The following CCDC7 variants were observed in gnomAD, a reference collection of about 807,000 sequenced individuals.
CCDC7 encodes coiled-coil domain-containing protein 7.
A neutral mutation model predicts 196.9 loss-of-function variants in CCDC7; 183 were observed. That is an observed-to-expected ratio of 0.93 (90% confidence interval 0.82 to 1.05). CCDC7 has a LOEUF of 1.05. CCDC7 is among the 50% of genes least tolerant of loss of function. CCDC7 has a pLI of 0.00. For synonymous variants in CCDC7, 525 were observed against 484.6 expected (o/e 1.08, Z -1.10); for missense variants, 1,540 against 1,482.2 (o/e 1.04, Z -0.64).
At chr10:32,706,435 C>G (rs1036782231) in intron 24 of CCDC7, among the ~76,000 whole-genome samples, 2 of 152,006 alleles carry the variant, frequency 1.3e-5, no homozygotes, top group Admixed American at 6.5e-5. Context: ...CAAACACATT[C>G]AAAAGCTAGC....
At chr10:32,668,581 G>A (rs2073346298) in intron 21 of CCDC7, among the ~76,000 whole-genome samples, 1 of 152,116 alleles carries the variant, frequency 6.6e-6, no homozygotes, top group Non-Finnish European at 1.5e-5. Flanking sequence ...TTAGCATGAA[G>A]GGCTGTTGAA....
intron 28 of CCDC7, among the ~76,000 whole-genome samples, chr10:32,749,392 C>A (rs1167820892): frequency 6.6e-6 from 1 of 152,076 alleles, no homozygotes; most frequent in African/African-American, 2.4e-5. Flanking sequence ...TTGTGTCAGT[C>A]ATTTATCTTA....
At chr10:32,521,167 A>G (rs973936407) in intron 11 of CCDC7, among the ~76,000 whole-genome samples, 26 of 151,798 alleles carry the variant, frequency 1.7e-4, no homozygotes, top group Admixed American at 9.2e-4. Flanking sequence ...CTTCAGTTTT[A>G]TTTCTTTTGC....
At chr10:32,493,743 G>A (rs575524124) in intron 9 of CCDC7, among the ~76,000 whole-genome samples, 2 of 152,082 alleles carry the variant, frequency 1.3e-5, no homozygotes, top group African/African-American at 4.8e-5. Flanking sequence ...TTTGATAACA[G>A]ATGTGAGGTA....
chr10:32,651,366 G>T (rs575420152), intron 20 of CCDC7, among the ~76,000 whole-genome samples: 2 of 152,210 alleles, frequency 1.3e-5, no homozygotes, highest in East Asian at 3.9e-4. Context: ...ATCCACATTT[G>T]GTGTTTTCTG....
chr10:32,849,618 G>A (rs2093458919), intron 39 of CCDC7, among the ~76,000 whole-genome samples: 1 of 149,218 alleles, frequency 6.7e-6, no homozygotes, highest in Non-Finnish European at 1.5e-5. Flanking sequence ...CAGGAGAATC[G>A]CTTGAATCCA....
intron 40 of CCDC7, among the ~76,000 whole-genome samples, chr10:32,852,777 A>AG (rs2093612200): frequency 6.6e-6 from 1 of 152,196 alleles, no homozygotes; most frequent in South Asian, 2.1e-4. Flanking sequence ...TAAAAGGAAA[A>AG]AGAAAACAGT....
chr10:32,508,932 A>ATTTTTTTTTT, intron 9 of CCDC7, among the ~76,000 whole-genome samples: 1 of 117,106 alleles, frequency 8.5e-6, no homozygotes. Flanking sequence ...TGTGCCTGGC[A>ATTTTTTTTTT]TTTTTTTTTT....
At chr10:32,795,284 A>G (rs985766660) in intron 29 of CCDC7, among the ~76,000 whole-genome samples, 1 of 150,428 alleles carries the variant, frequency 6.6e-6, no homozygotes, top group South Asian at 2.1e-4. Flanking sequence ...TCCCCCCTTC[A>G]CTCTGTATTT....
chr10:32,633,536 C>T (rs1564894017), intron 18 of CCDC7, among the ~76,000 whole-genome samples: 1 of 152,172 alleles, frequency 6.6e-6, no homozygotes, highest in East Asian at 1.9e-4. Context: ...TTTATTTGCA[C>T]CCCACTCTCT....
chr10:32,873,262 CTTCTCGCTTCTTT>C (rs1241568942), intron 41 of CCDC7, among the ~76,000 whole-genome samples: 1 of 151,272 alleles, frequency 6.6e-6, no homozygotes, highest in African/African-American at 2.4e-5. Context: ...TCTCTAAACT[CTTCTCGCTTCTTT>C]TTATTCATTT....
chr10:32,447,202 A>G (rs1210912622), upstream of CCDC7, among the ~76,000 whole-genome samples: 1 of 151,968 alleles, frequency 6.6e-6, no homozygotes, highest in Non-Finnish European at 1.5e-5. Flanking sequence ...ATTCTACTGA[A>G]ATTGTTGCCG....
At chr10:32,881,369 A>G (rs1484129516), downstream of CCDC7, among the ~76,000 whole-genome samples, 1 of 152,206 alleles carries the variant, frequency 6.6e-6, no homozygotes, top group African/African-American at 2.4e-5. Context: ...GGCATTAATT[A>G]TAACTTAAAG....
chr10:32,511,602 A>G lies in CCDC7; in HGVS notation c.873-6343A>G, dbSNP rs767383712. The stretch of plus-strand genomic sequence containing the variant: ...ACTTTTGCTTGTTCAAGTGGATCCA[A>G]CTTCTGCAACAACTCATTTCTAGAA... On this transcript the variant is annotated intron_variant, in intron 9 of 41. Transcript: ENST00000639629. 6.3e-6 allele frequency: 10 copies of G among 1,596,216 alleles called. No homozygotes were observed. In the Admixed American group the frequency reaches 1.7e-4, roughly 27 times the overall value.
At chr10:32,550,917 T>G (rs1197058331) in intron 13 of CCDC7, among the ~76,000 whole-genome samples, 1 of 152,198 alleles carries the variant, frequency 6.6e-6, no homozygotes, top group East Asian at 1.9e-4. Flanking sequence ...CTTCATAGAA[T>G]GAATTAGGGA....
At chr10:32,854,820 T>C (rs1165295634) in intron 41 of CCDC7, among the ~76,000 whole-genome samples, 1 of 152,224 alleles carries the variant, frequency 6.6e-6, no homozygotes, top group African/African-American at 2.4e-5. Context: ...CAACGATTCC[T>C]CTACAGAATA....
At chr10:32,672,952 A>G (rs2074314761) in intron 21 of CCDC7, among the ~76,000 whole-genome samples, 1 of 152,000 alleles carries the variant, frequency 6.6e-6, no homozygotes, top group Non-Finnish European at 1.5e-5. Flanking sequence ...TATTTTTTAA[A>G]CCACTTTACT....
intron 31 of CCDC7, among the ~76,000 whole-genome samples, chr10:32,822,199 T>G: frequency 6.6e-6 from 1 of 152,192 alleles, no homozygotes; most frequent in East Asian, 1.9e-4. Flanking sequence ...AGGTATGAGT[T>G]AAATGTTATA....
intron 29 of CCDC7, among the ~76,000 whole-genome samples, chr10:32,798,294 T>C (rs2084038738): frequency 6.6e-6 from 1 of 152,198 alleles, no homozygotes. Flanking sequence ...GCTGGCAAAT[T>C]GGACACACAG....
Sources: allele counts gnomAD v4.1 joint callset (sites outside exome capture counted in the v4.1 genomes callset), GRCh38; gene constraint gnomAD v4.1.1; transcripts MANE v1.5; gene names NCBI Gene and HGNC (gene_info 2026-07-23, HGNC 2026-07-21).